The following TMEM154 variants were observed in gnomAD, a reference collection of about 807,000 sequenced individuals.
TMEM154 encodes the protein transmembrane protein 154.
Under a neutral mutation model 24.5 loss-of-function variants are expected in TMEM154, and 27 were observed. That is an observed-to-expected ratio of 1.10 (90% CI 0.81 to 1.52). The LOEUF is 1.52. Among genes scored for constraint, TMEM154 ranks in the 40% most tolerant of loss-of-function variants. The pLI is 0.00. For synonymous variants in TMEM154, 67 were observed against 76.8 expected, an observed-to-expected ratio of 0.87 and a Z score of 0.67; for missense variants, 228 against 213.4, an observed-to-expected ratio of 1.07 and a Z score of -0.43.
intron 1 of TMEM154, among the ~76,000 whole-genome samples, chr4:152,665,064 C>G (rs1728689113): frequency 6.6e-6 from 1 of 152,112 alleles, no homozygotes; most frequent in African/African-American, 2.4e-5. Flanking sequence ...CACACCATAC[C>G]CCAAACTCAG....
Position 152,621,716 on chromosome 4 carries a change from C to T in TMEM154, c.*6830G>A, listed in dbSNP as rs939549593. The stretch of plus-strand genomic sequence containing the variant: ...ATCTGCCTTTCAGCCTTACTTTCTT[C>T]TAATATCAAGGTGTGAGATGAGGTT... On this transcript the variant is annotated 3_prime_UTR_variant, in exon 7 of 7. Transcript: ENST00000304385. The T allele has an allele frequency of 6.6e-6, 1 of 151,966 alleles. No homozygotes were observed. Among genetic ancestry groups the T allele is most frequent in the Non-Finnish European group, 1.5e-5 (1 of 68,016 alleles). The allele number at this position is 151,966 out of a possible 1,614,324, so 9.4% of individuals were successfully genotyped here.
chr4:152,660,673 G>A (rs915751326), intron 1 of TMEM154, among the ~76,000 whole-genome samples: 1 of 152,180 alleles, frequency 6.6e-6, no homozygotes, highest in Admixed American at 6.5e-5. Context: ...CTCCCTCAGG[G>A]AGGAATGCAA....
chr4:152,677,639 T>C (rs1246271682), intron 1 of TMEM154, among the ~76,000 whole-genome samples: 1 of 152,238 alleles, frequency 6.6e-6, no homozygotes, highest in East Asian at 1.9e-4. Flanking sequence ...TTTTCAGACA[T>C]TGGGAATCCC....
chr4:152,649,961 A>C (rs1425977880), intron 3 of TMEM154, among the ~76,000 whole-genome samples: 1 of 152,246 alleles, frequency 6.6e-6, no homozygotes, highest in African/African-American at 2.4e-5. Context: ...CTACAGAGAC[A>C]ATGTATATAC....
At position 152,655,988 on chromosome 4, in the gene TMEM154, T is replaced by G. The variant is rs188460375; in HGVS notation, c.65-3061A>C. 1.3e-3 allele frequency among the ~76,000 whole-genome samples: 198 copies of G among 152,202 alleles called. 1 individual carries two copies. The highest frequency in any genetic ancestry group is 4.5e-3 in the African/African-American group (186 of 41,536). On this transcript the variant is annotated intron_variant, in intron 1 of 6. Coordinates refer to ENST00000304385, the MANE Select transcript of TMEM154 (RefSeq NM_152680.3). ...CTTGAGTGTGCCATTTGGGGCCTGGTGATTGCCCAGCCCAGTCTAGTCCAT... is the reference window on the plus strand; with the variant it reads ...CTTGAGTGTGCCATTTGGGGCCTGGGGATTGCCCAGCCCAGTCTAGTCCAT...
rs193163119 is a variant in TMEM154 at position 152,659,336 on chromosome 4, T to C, written c.65-6409A>G. On this transcript the variant is annotated intron_variant, in intron 1 of 6. Transcript: ENST00000304385. ...GTTGATCTTACAAAGGTAGAGAGTA[T>C]AATTATAAATATCAGAGGCTGGGAA... 9.4e-4 allele frequency among the ~76,000 whole-genome samples: 143 copies of C among 152,194 alleles called. 1 individual carries two copies. Among genetic ancestry groups the C allele is most frequent in the African/African-American group, 3.1e-3 (128 of 41,534 alleles).
At chr4:152,662,371 T>C (rs1728629356) in intron 1 of TMEM154, among the ~76,000 whole-genome samples, 1 of 151,860 alleles carries the variant, frequency 6.6e-6, no homozygotes, top group Admixed American at 6.6e-5. Context: ...GGGAGGAAAG[T>C]TGAAAACACT....
chr4:152,628,592 A>C, intron 6 of TMEM154, 31 bp from the exon 7 acceptor site: 1 of 545,388 alleles, frequency 1.8e-6, no homozygotes, highest in Non-Finnish European at 2.3e-6. Flanking sequence ...AAAAAAAAAA[A>C]CAAAAAAAAC....
intron 6 of TMEM154, among the ~76,000 whole-genome samples, chr4:152,634,617 T>C (rs2149778566): frequency 6.6e-6 from 1 of 152,324 alleles, no homozygotes; most frequent in Admixed American, 6.5e-5. Flanking sequence ...AATGCTGTGG[T>C]TTTTAAAAGT....
rs796090118 is a variant in TMEM154 at position 152,641,028 on chromosome 4, C to T, written c.479-43G>A. The T allele has an allele frequency of 3.8e-6, 6 of 1,577,616 alleles. No homozygotes were observed. The African/African-American group carries it at 4.1e-5, about 11-fold the overall frequency. ...CAAACTCATTGTTAGTTACTGAAAT[C>T]GTATTTTCTATCCACAAACCTGATA... On this transcript the variant is annotated intron_variant, in intron 5 of 6. Transcript: ENST00000304385.
At position 152,628,565 on chromosome 4, in the gene TMEM154, TAAAAAAAAAAAAAA is replaced by T. The variant is rs747613909; in HGVS notation, c.537-18_537-5del. On this transcript the variant is annotated splice_region_variant and splice_polypyrimidine_tract_variant and intron_variant, in intron 6 of 6. Coordinates refer to ENST00000304385, the MANE Select transcript of TMEM154 (RefSeq NM_152680.3). Reference sequence around the variant, plus strand: ...TCAGGTTTAGGATTCACTGTCACTGTAAAAAAAAAAAAAAAAAAAAAAAAAAACAAAAAAAACAC... The same window carrying T: ...TCAGGTTTAGGATTCACTGTCACTGTAAAAAAAAAAAAACAAAAAAAACAC... 2.1e-5 allele frequency: 11 copies of T among 518,474 alleles called. No homozygotes were observed. Among genetic ancestry groups the T allele is most frequent in the Non-Finnish European group, 2.6e-5 (11 of 415,830 alleles). 32.1% of individuals were successfully genotyped at this position (518,474 alleles called of 1,614,324 possible).
intron 1 of TMEM154, among the ~76,000 whole-genome samples, chr4:152,656,361 C>T (rs1021935677): frequency 6.6e-6 from 1 of 152,136 alleles, no homozygotes; most frequent in Non-Finnish European, 1.5e-5. Flanking sequence ...CAGATATGCT[C>T]AACCCACCCC....
intron 6 of TMEM154, among the ~76,000 whole-genome samples, chr4:152,636,950 T>C (rs1752161832): frequency 6.6e-6 from 1 of 152,236 alleles, no homozygotes; most frequent in Admixed American, 6.5e-5. Context: ...TGTATACTAC[T>C]TCAATGACAG....
At chr4:152,676,682 C>T (rs1055182062) in intron 1 of TMEM154, among the ~76,000 whole-genome samples, 3 of 152,118 alleles carry the variant, frequency 2.0e-5, no homozygotes, top group Admixed American at 6.5e-5. Flanking sequence ...AGATGTCAGC[C>T]GTGTTCATTA....
rs372529051 is a variant in TMEM154, at chr4:152,621,605, G to T, written c.*6941C>A. The T allele has an allele frequency of 2.0e-5, 3 of 152,168 alleles. No homozygotes were observed. Among genetic ancestry groups the T allele is most frequent in the East Asian group, 3.8e-4 (2 of 5,198 alleles). The allele number at this position is 152,168 out of a possible 1,614,324, so 9.4% of individuals were successfully genotyped here. ...TTTAGGAGAAATCTTCCTGCCTGTT[G>T]TTTGTCAATAATACTGACTGGTCTT... On this transcript the variant is annotated 3_prime_UTR_variant, in exon 7 of 7. Transcript: ENST00000304385.
intron 1 of TMEM154, chr4:152,668,529 T>C (rs1490144335): frequency 3.9e-5 from 6 of 152,114 alleles, no homozygotes; most frequent in African/African-American, 1.4e-4. Flanking sequence ...CCCCATTCCA[T>C]AGGTGAAGAG....
At position 152,627,432 on chromosome 4, in the gene TMEM154, A is replaced by G. The variant is rs779988099; in HGVS notation, c.*1114T>C. On this transcript the variant is annotated 3_prime_UTR_variant, in exon 7 of 7. Transcript: ENST00000304385. Reference sequence around the variant, plus strand: ...ATTTAGAAAATTAAGGAATAAATGAAGAACAATTTTACTGGAGTAGGTGTG... The same window carrying G: ...ATTTAGAAAATTAAGGAATAAATGAGGAACAATTTTACTGGAGTAGGTGTG... The G allele has an allele frequency of 6.6e-6, 1 of 152,244 alleles. No homozygotes were observed. Among genetic ancestry groups the G allele is most frequent in the Non-Finnish European group, 1.5e-5 (1 of 68,042 alleles). The allele number at this position is 152,244 out of a possible 1,614,324, so 9.4% of individuals were successfully genotyped here.
intron 1 of TMEM154, among the ~76,000 whole-genome samples, chr4:152,662,410 G>T (rs1728630086): frequency 6.6e-6 from 1 of 152,138 alleles, no homozygotes; most frequent in South Asian, 2.1e-4. Flanking sequence ...TTTGTGCAAG[G>T]AGGAATCAAA....
chr4:152,628,592 AC>A (rs72117571), intron 6 of TMEM154, 31 bp from the exon 7 acceptor site: 40,728 of 539,732 alleles, frequency 0.075, 13,941 homozygotes, highest in East Asian at 0.2. Flanking sequence ...AAAAAAAAAA[AC>A]AAAAAAAACA....
Sources: gnomAD v4.1 joint callset for allele counts (sites outside exome capture counted in the v4.1 genomes callset) on GRCh38, gnomAD v4.1.1 for gene constraint, MANE v1.5 for transcripts, NCBI Gene and HGNC (gene_info 2026-07-23, HGNC 2026-07-21) for gene names.